ADNP2: variants seen among roughly 807,000 people sequenced by gnomAD.
ADNP2 encodes activity-dependent neuroprotector homeobox protein 2.
ADNP2 carries 8 observed loss-of-function variants against 16.4 expected under a neutral mutation model. The ratio of observed to expected loss-of-function variants is 0.49; its 90% CI spans 0.29 to 0.88. The LOEUF (loss-of-function observed/expected upper bound fraction) is 0.88, where lower values mean the gene tolerates loss of function less well. ADNP2 is among the 40% of genes least tolerant of loss of function. ADNP2 has a pLI of 0.09. For synonymous variants in ADNP2, 637 were observed against 545.8 expected, an observed-to-expected ratio of 1.17 and a Z score of -2.33; for missense variants, 1,397 against 1,395.1, an observed-to-expected ratio of 1.00 and a Z score of -0.02.
chr18:80,137,902 C>T lies in ADNP2; in HGVS notation c.2489C>T (p.Pro830Leu). ...CACCTTGATTTCATCACCATATTGC[C>T]AAAGGAGAAGCTTGGGGAGCGGGAA... ...FPHLDFITIL[P>L]KEKLGEREVY... The change falls in exon 4 of 4, where the codon CCA becomes CTA. Residue 830 changes from proline (P) to leucine (L), a missense_variant. Physicochemically the swap from Pro to Leu is moderately conservative, Grantham distance 98 (BLOSUM62 -3). Coordinates refer to ENST00000262198, the MANE Select transcript of ADNP2 (RefSeq NM_014913.4). The surrounding 1 kb of genome is among the most constrained non-coding windows in gnomAD (Gnocchi z 4.2). 6.2e-7 allele frequency: 1 copy of T among 1,613,880 alleles called. No individual in the cohort carries two copies. The highest frequency in any genetic ancestry group is 8.5e-7 in the Non-Finnish European group (1 of 1,180,032).
intron 2 of ADNP2, among the ~76,000 whole-genome samples, chr18:80,127,798 G>A (rs1348629815): frequency 6.6e-6 from 1 of 152,180 alleles, no homozygotes; most frequent in East Asian, 1.9e-4. Context: ...TTGCTGTGAA[G>A]GCTTGACTTA....
Position 80,136,913 on chromosome 18 carries a change from A to C in ADNP2, c.1500A>C (p.Pro500=). 1 of 1,613,868 alleles carries C rather than the reference A, an allele frequency of 6.2e-7. No homozygotes were observed. The part of the protein sequence containing the change: ...GQTAPSRVLP[P]GQTAPLRVIS... Reference sequence around the variant, plus strand: ...CAGCTCCGTCACGGGTTCTTCCCCCAGGCCAGACAGCCCCATTGAGGGTTA... The same window carrying C: ...CAGCTCCGTCACGGGTTCTTCCCCCCGGCCAGACAGCCCCATTGAGGGTTA... Residue 500 remains proline, a synonymous_variant, in exon 4 of 4, where the codon CCA becomes CCC. Transcript: ENST00000262198.
At chr18:80,126,356 C>T (rs893631605) in intron 2 of ADNP2, among the ~76,000 whole-genome samples, 9 of 152,056 alleles carry the variant, frequency 5.9e-5, no homozygotes, top group African/African-American at 2.2e-4. Context: ...TATTGATCTA[C>T]ATGTCATTGA....
chr18:80,125,760 A>G (rs1037175542), intron 2 of ADNP2, among the ~76,000 whole-genome samples: 2 of 152,168 alleles, frequency 1.3e-5, no homozygotes, highest in African/African-American at 4.8e-5. Context: ...GCAATGAGCC[A>G]TGATTACACC....
intron 2 of ADNP2, among the ~76,000 whole-genome samples, chr18:80,119,548 C>T (rs1321715909): frequency 1.3e-5 from 2 of 152,182 alleles, no homozygotes; most frequent in East Asian, 3.8e-4. Flanking sequence ...GTATGTCGCT[C>T]TGCCTTCTTG....
rs778708619 is a variant in ADNP2 at position 80,137,540 on chromosome 18, G to A, written c.2127G>A (p.Gln709=). 1.2e-6 allele frequency: 2 copies of A among 1,614,258 alleles called. No homozygotes were observed. Among genetic ancestry groups the A allele is most frequent in the Non-Finnish European group, 1.7e-6 (2 of 1,180,054 alleles). The change falls in exon 4 of 4, where the codon CAG becomes CAA. Residue 709 remains glutamine, a synonymous_variant. Transcript: ENST00000262198. This position sits in a 1 kb window ranked among gnomAD's most constrained non-coding sequence, Gnocchi z 4.2. The part of the protein sequence containing the change: ...CNELFPSNVY[Q]VHMEVAHKHS... ...AGCTCTTTCCGTCCAACGTCTACCA[G>A]GTCCACATGGAGGTAGCGCATAAGC... is the stretch of plus-strand genomic sequence containing the variant.
At chr18:80,114,920 A>G (rs748558146) in intron 1 of ADNP2, among the ~76,000 whole-genome samples, 1 of 152,052 alleles carries the variant, frequency 6.6e-6, no homozygotes, top group Non-Finnish European at 1.5e-5. Context: ...GGCACTTTCT[A>G]CACATGTGGT....
chr18:80,111,865 A>AT (rs937349234), intron 1 of ADNP2, among the ~76,000 whole-genome samples: 213 of 151,246 alleles, frequency 1.4e-3, no homozygotes, highest in African/African-American at 4.0e-3. Flanking sequence ...TTTAGAATGT[A>AT]TTTTTTTTTC....
At chr18:80,126,346 T>C (rs1216961988) in intron 2 of ADNP2, among the ~76,000 whole-genome samples, 1 of 152,210 alleles carries the variant, frequency 6.6e-6, no homozygotes, top group Non-Finnish European at 1.5e-5. Flanking sequence ...AAAAAAATTA[T>C]ATTGATCTAC....
In ADNP2 at chr18:80,138,089, G is replaced by A; in HGVS notation, c.2676G>A (p.Leu892=). 6.2e-7 allele frequency: 1 copy of A among 1,613,884 alleles called. No homozygotes were observed. The highest frequency in any genetic ancestry group is 1.1e-5 in the South Asian group (1 of 91,088). ...TTGTGACAACTGAGGCCTATGAGCTGCATTTGAAGGAGAGGCACCACATCA... is the reference window on the plus strand; with the variant it reads ...TTGTGACAACTGAGGCCTATGAGCTACATTTGAAGGAGAGGCACCACATCA... ...GPFVTTEAYE[L]HLKERHHIMP... Residue 892 remains leucine, a synonymous_variant, in exon 4 of 4, where the codon CTG becomes CTA. Coordinates refer to ENST00000262198, the MANE Select transcript of ADNP2 (RefSeq NM_014913.4).
intron 2 of ADNP2, among the ~76,000 whole-genome samples, chr18:80,126,173 A>T (rs1393905665): frequency 4.0e-5 from 6 of 151,324 alleles, no homozygotes; most frequent in Admixed American, 4.0e-4. Flanking sequence ...TTTTTCTCTG[A>T]CTTTCTTAAT....
rs2052553740 is a variant in ADNP2 at position 80,137,968 on chromosome 18, T to A, written c.2555T>A (p.Leu852Gln). 1.2e-6 allele frequency: 2 copies of A among 1,613,228 alleles called. No homozygotes were observed. Among genetic ancestry groups the A allele is most frequent in the African/African-American group, 1.3e-5 (1 of 74,930 alleles). The change falls in exon 4 of 4, where the codon CTG becomes CAG. Residue 852 changes from leucine (L) to glutamine (Q), a missense_variant. Coordinates refer to ENST00000262198, the MANE Select transcript of ADNP2 (RefSeq NM_014913.4). The surrounding 1 kb of genome is among the most constrained non-coding windows in gnomAD (Gnocchi z 4.2). ...CTGGCTGGGATACACTCCAAGTCAC[T>A]GGTGCCTGTGTATGTGAAGGTGAGG... is the stretch of plus-strand genomic sequence containing the variant. ...AILAGIHSKS[L>Q]VPVYVKVRPQ...
At chr18:80,117,756 G>T in intron 2 of ADNP2, 106 bp downstream of exon 2, 1 of 791,978 alleles carries the variant, frequency 1.3e-6, no homozygotes, top group Non-Finnish European at 2.0e-6. Flanking sequence ...TTATACTTCA[G>T]ATGGCTGTGT....
intron 1 of ADNP2, chr18:80,109,962 C>A: frequency 2.0e-5 from 3 of 153,186 alleles, no homozygotes; most frequent in South Asian, 3.7e-4. Context: ...GCCGCATCCC[C>A]GAGACCGGGT....
Position 80,117,634 on chromosome 18 carries a change from G to T in ADNP2, c.92G>T (p.Cys31Phe). Residue 31 changes from cysteine (C) to phenylalanine (F), a missense_variant, in exon 2 of 4, where the codon TGC becomes TTC. Cys to Phe is a radical substitution (Grantham distance 205). This residue lies in a region of ADNP2 where 777 missense variants were observed against 719.4 expected (regional missense o/e 1.08). Coordinates refer to ENST00000262198, the MANE Select transcript of ADNP2 (RefSeq NM_014913.4). ...CTTGTGGATATTGGGCTTGACAGCT[G>T]CAAGGAGTTACTGAAGGTAAGAGGA... Reference protein sequence around the residue: ...GILVDIGLDSCKELLKDLKGF... With the variant: ...GILVDIGLDSFKELLKDLKGF... 6.2e-7 allele frequency: 1 copy of T among 1,605,640 alleles called. No homozygotes were observed. The highest frequency in any genetic ancestry group is 8.5e-7 in the Non-Finnish European group (1 of 1,177,226).
chr18:80,121,401 T>C (rs1379194095), intron 2 of ADNP2, among the ~76,000 whole-genome samples: 1 of 152,258 alleles, frequency 6.6e-6, no homozygotes, highest in East Asian at 1.9e-4. Flanking sequence ...TGTTTGTCTT[T>C]ATGTTGTTGA....
At chr18:80,113,412 C>T (rs144653172) in intron 1 of ADNP2, among the ~76,000 whole-genome samples, 11 of 152,192 alleles carry the variant, frequency 7.2e-5, no homozygotes, top group Non-Finnish European at 7.3e-5. Flanking sequence ...CTTTCTGCCT[C>T]CCACTCCTCT....
intron 1 of ADNP2, 75 bp from the exon 2 acceptor site, chr18:80,117,455 C>T (rs2052396564): frequency 7.0e-6 from 6 of 858,604 alleles, no homozygotes; most frequent in Admixed American, 3.6e-5. Context: ...AGTGTTTTAC[C>T]AACCCTGTCA....
At chr18:80,127,341 T>TTTG (rs2052466368) in intron 2 of ADNP2, among the ~76,000 whole-genome samples, 1 of 144,000 alleles carries the variant, frequency 6.9e-6, no homozygotes. Flanking sequence ...TTTTTTCAGT[T>TTTG]TTTTTTTTTT....
Sources: gnomAD v4.1 joint callset for allele counts (sites outside exome capture counted in the v4.1 genomes callset) on GRCh38, gnomAD v4.1.1 for gene constraint, gnomAD v4.1.1 regional missense constraint, Gnocchi (gnomAD v3.1) non-coding constraint, MANE v1.5 for transcripts, NCBI Gene and HGNC (gene_info 2026-07-23, HGNC 2026-07-21) for gene names.